SVOP: variants seen among roughly 807,000 people sequenced by gnomAD.
SVOP encodes the protein SV2 related protein.
In SVOP, 17 loss-of-function variants were observed where a neutral mutation model predicts 69.1. The observed-to-expected ratio is 0.25, with a 90% confidence interval of 0.17 to 0.37. The LOEUF (loss-of-function observed/expected upper bound fraction) is 0.37, where lower values mean the gene tolerates loss of function less well. SVOP is among the 10% of genes least tolerant of loss of function. SVOP has a pLI of 1.00. For missense variants in SVOP, 435 were observed against 597.5 expected (o/e 0.73, Z 2.84); for synonymous variants, 238 against 238.6 (o/e 1.00, Z 0.02).
At chr12:108,940,459 T>C (rs1352348205) in intron 8 of SVOP, among the ~76,000 whole-genome samples, 2 of 152,226 alleles carry the variant, frequency 1.3e-5, no homozygotes, top group African/African-American at 2.4e-5. Context: ...CCAGTTTGAA[T>C]TGGGTTTCTG....
intron 10 of SVOP, among the ~76,000 whole-genome samples, chr12:108,935,548 T>C (rs747084235): frequency 6.6e-6 from 1 of 152,214 alleles, no homozygotes; most frequent in African/African-American, 2.4e-5. Context: ...CTCTTAGGAA[T>C]TCGGGGCAGA....
chr12:109,015,788 G>A lies in SVOP; in HGVS notation c.35+5046C>T, dbSNP rs565604128. Reference sequence around the variant, plus strand: ...AGCCTGGGCAACAGAGCGAGACTCTGTCTCAACAAAACAAAACAAAACAAA... The same window carrying A: ...AGCCTGGGCAACAGAGCGAGACTCTATCTCAACAAAACAAAACAAAACAAA... On this transcript the variant is annotated intron_variant, in intron 1 of 15. Coordinates refer to ENST00000610966, the MANE Select transcript of SVOP (RefSeq NM_018711.5). 5.3e-5 allele frequency among the ~76,000 whole-genome samples: 8 copies of A among 152,238 alleles called. No homozygotes were observed. The South Asian group carries it at 1.7e-3, about 32-fold the overall frequency.
chr12:108,975,546 C>T lies in SVOP; in HGVS notation c.381+1852G>A, dbSNP rs151068275. Among the ~76,000 whole-genome samples, 1,188 of 152,292 alleles carry T rather than the reference C, an allele frequency of 7.8e-3. 17 individuals are homozygous for T. Among genetic ancestry groups the T allele is most frequent in the African/African-American group, 0.027 (1,111 of 41,558 alleles). ...TCTGTAGAAGTGACAGTAATAAAAG[C>T]ACCTCTTTCATAGGTTTGAGAAGGT... On this transcript the variant is annotated intron_variant, in intron 4 of 15. Coordinates refer to ENST00000610966, the MANE Select transcript of SVOP (RefSeq NM_018711.5).
chr12:108,980,007 AC>A lies in SVOP; in HGVS notation c.197-1345del, dbSNP rs2040127409. Among the ~76,000 whole-genome samples, 6 of 152,228 alleles carry A rather than the reference AC, an allele frequency of 3.9e-5. No homozygotes were observed. In the South Asian group the frequency reaches 1.2e-3, roughly 32 times the overall value. On this transcript the variant is annotated intron_variant, in intron 2 of 15. Transcript: ENST00000610966. ...GGCAGCATAGTGAGTCCCCATCTCT[AC>A]TAAAAATATTTTTAAAAAGTAGCTG...
chr12:108,944,876 T>C (rs1250693534), intron 7 of SVOP, among the ~76,000 whole-genome samples: 1 of 152,174 alleles, frequency 6.6e-6, no homozygotes, highest in Non-Finnish European at 1.5e-5. Context: ...CGACACTTCT[T>C]TTTTTGAGGG....
At chr12:108,965,520 A>C (rs1012639473) in intron 5 of SVOP, among the ~76,000 whole-genome samples, 3 of 152,242 alleles carry the variant, frequency 2.0e-5, no homozygotes, top group African/African-American at 4.8e-5. Flanking sequence ...TGTGGGTTCC[A>C]GGCCTCCAGA....
intron 9 of SVOP, among the ~76,000 whole-genome samples, chr12:108,937,989 T>C (rs2039866663): frequency 6.6e-6 from 1 of 152,088 alleles, no homozygotes; most frequent in African/African-American, 2.4e-5. Flanking sequence ...ATGGAAGGGA[T>C]CTCTCCCCAA....
chr12:108,934,759 C>T lies in SVOP; in HGVS notation c.972-488G>A, dbSNP rs77150337. 6.2e-3 allele frequency among the ~76,000 whole-genome samples: 937 copies of T among 152,266 alleles called. 12 individuals are homozygous for T. Among genetic ancestry groups the T allele is most frequent in the African/African-American group, 0.022 (897 of 41,558 alleles). On this transcript the variant is annotated intron_variant, in intron 10 of 15. Transcript: ENST00000610966. ...CTCACTGCTACACTCCCACCAGTGC[C>T]GTTACAGTTTACAAATGCCATGGCA...
chr12:108,930,944 T>C (rs1456852565), intron 11 of SVOP, among the ~76,000 whole-genome samples: 1 of 152,232 alleles, frequency 6.6e-6, no homozygotes, highest in Non-Finnish European at 1.5e-5. Context: ...AACAGAGTTA[T>C]GTGGCCTGCA....
At chr12:108,930,846 T>C (rs2137398105) in intron 11 of SVOP, among the ~76,000 whole-genome samples, 1 of 152,334 alleles carries the variant, frequency 6.6e-6, no homozygotes, top group Non-Finnish European at 1.5e-5. Context: ...ATGGAGAAAC[T>C]TTAGGCTGAA....
intron 15 of SVOP, 49 bp from the exon 16 acceptor site, chr12:108,912,790 G>C: frequency 6.4e-7 from 1 of 1,563,210 alleles, no homozygotes; most frequent in East Asian, 2.3e-5. Context: ...CTGAAGCACA[G>C]ACATCGCCAA....
At chr12:108,988,360 A>G (rs1399458853) in intron 1 of SVOP, among the ~76,000 whole-genome samples, 2 of 152,174 alleles carry the variant, frequency 1.3e-5, no homozygotes, top group African/African-American at 2.4e-5. Flanking sequence ...CTCAACTTTT[A>G]TGGGTTTAGG....
At chr12:108,976,835 G>A (rs2040109218) in intron 4 of SVOP, among the ~76,000 whole-genome samples, 1 of 151,890 alleles carries the variant, frequency 6.6e-6, no homozygotes. Context: ...GACTGGTCTC[G>A]AACTCCTGAC....
intron 15 of SVOP, among the ~76,000 whole-genome samples, chr12:108,914,251 G>A (rs2039701132): frequency 6.6e-6 from 1 of 152,176 alleles, no homozygotes; most frequent in Non-Finnish European, 1.5e-5. Flanking sequence ...TTATTTTGGG[G>A]TGATGAGAAT....
intron 11 of SVOP, among the ~76,000 whole-genome samples, chr12:108,925,325 G>A (rs1027423215): frequency 8.5e-5 from 11 of 128,768 alleles, no homozygotes; most frequent in Non-Finnish European, 1.6e-4. Flanking sequence ...TTACCGTGCC[G>A]GGGGAGGTTC....
chr12:108,991,036 G>T (rs2040197485), intron 1 of SVOP, among the ~76,000 whole-genome samples: 2 of 152,190 alleles, frequency 1.3e-5, no homozygotes, highest in Admixed American at 1.3e-4. Context: ...AAGCACTGAG[G>T]GACTGAGCCC....
At chr12:108,953,984 C>T (rs981147208) in intron 6 of SVOP, among the ~76,000 whole-genome samples, 2 of 151,838 alleles carry the variant, frequency 1.3e-5, no homozygotes, top group African/African-American at 2.4e-5. Flanking sequence ...TGGTGGCTTG[C>T]TCCCATAATC....
chr12:108,922,834 T>C (rs745883876), intron 11 of SVOP, 37 bp from the exon 12 acceptor site: 3 of 1,448,778 alleles, frequency 2.1e-6, no homozygotes, highest in African/African-American at 1.4e-5. Flanking sequence ...GGGAGACATA[T>C]ACAGAGTCTT....
intron 14 of SVOP, among the ~76,000 whole-genome samples, chr12:108,916,893 T>C (rs964483505): frequency 4.6e-5 from 7 of 152,150 alleles, no homozygotes; most frequent in Admixed American, 3.3e-4. Flanking sequence ...ACAACAGGCA[T>C]GTGCCACCAC....
Sources: allele counts gnomAD v4.1 joint callset (sites outside exome capture counted in the v4.1 genomes callset), GRCh38; gene constraint gnomAD v4.1.1; transcripts MANE v1.5; gene names NCBI Gene and HGNC (gene_info 2026-07-23, HGNC 2026-07-21).